MIA2: variants seen among roughly 807,000 people sequenced by gnomAD.
The protein encoded by MIA2 is MIA SH3 domain ER export factor 2, also known as melanoma inhibitory activity protein 2.
Under a neutral mutation model 167.8 loss-of-function variants are expected in MIA2, and 127 were observed. The observed-to-expected ratio is 0.76, with a 90% CI of 0.66 to 0.88. MIA2 has a LOEUF of 0.88. MIA2 is among the 40% of genes least tolerant of loss of function. The pLI is 0.00. For synonymous variants in MIA2, 552 were observed against 541.9 expected (o/e 1.02, Z -0.26); for missense variants, 1,690 against 1,624.7 (o/e 1.04, Z -0.69).
intron 16 of MIA2, among the ~76,000 whole-genome samples, 185 bp from the exon 17 acceptor site, chr14:39,304,106 C>T (rs989833087): frequency 4.6e-5 from 7 of 152,148 alleles, no homozygotes; most frequent in South Asian, 2.1e-4. Flanking sequence ...CAAGCATTGA[C>T]GACTTTGCTG....
At chr14:39,284,639 CA>C (rs1356745332) in intron 9 of MIA2, among the ~76,000 whole-genome samples, 2 of 152,060 alleles carry the variant, frequency 1.3e-5, no homozygotes, top group Non-Finnish European at 2.9e-5. Flanking sequence ...TTTCTTTCAT[CA>C]ATGTTTTATA....
chr14:39,288,642 T>C (rs2060290709), intron 9 of MIA2, among the ~76,000 whole-genome samples: 1 of 150,850 alleles, frequency 6.6e-6, no homozygotes, highest in Non-Finnish European at 1.5e-5. Context: ...TTTGTATTTT[T>C]AGTAGAGTCA....
At chr14:39,284,238 T>G (rs949704040) in intron 9 of MIA2, among the ~76,000 whole-genome samples, 6 of 152,228 alleles carry the variant, frequency 3.9e-5, no homozygotes, top group Non-Finnish European at 7.4e-5. Context: ...ATGTGTTGTA[T>G]AAAGTTAAGA....
chr14:39,339,251 C>G (rs542436146), intron 25 of MIA2, among the ~76,000 whole-genome samples: 1 of 152,084 alleles, frequency 6.6e-6, no homozygotes, highest in Non-Finnish European at 1.5e-5. Context: ...CCTAACAGCC[C>G]GCGGAAAGGT....
chr14:39,381,262 G>A (rs1258867827), intron 23 of MIA2, among the ~76,000 whole-genome samples: 3 of 152,148 alleles, frequency 2.0e-5, no homozygotes, highest in Non-Finnish European at 4.4e-5. Flanking sequence ...GGAGAAGACA[G>A]AATTCAGTCT....
At chr14:39,292,081 A>T (rs1018255870) in intron 10 of MIA2, among the ~76,000 whole-genome samples, 1 of 152,220 alleles carries the variant, frequency 6.6e-6, no homozygotes, top group Non-Finnish European at 1.5e-5. Context: ...ATTCCAAATA[A>T]GTTTCTTAAT....
chr14:39,341,829 TAAC>T (rs745977118), intron 25 of MIA2, among the ~76,000 whole-genome samples: 5 of 152,204 alleles, frequency 3.3e-5, no homozygotes, highest in Non-Finnish European at 5.9e-5. Context: ...TTTATAATCA[TAAC>T]AAGCTTAATT....
chr14:39,359,992 G>GTTTTTTTT (rs58076493), intron 23 of MIA2, among the ~76,000 whole-genome samples: 1 of 128,818 alleles, frequency 7.8e-6, no homozygotes, highest in Non-Finnish European at 1.7e-5. Flanking sequence ...TCTGCAGCAT[G>GTTTTTTTT]TTTTTTTTTT....
intron 2 of MIA2, among the ~76,000 whole-genome samples, chr14:39,238,972 T>G (rs921931482): frequency 1.3e-5 from 2 of 152,036 alleles, no homozygotes; most frequent in Non-Finnish European, 2.9e-5. Flanking sequence ...GATTGTATCA[T>G]TATGGTTTAT....
At chr14:39,263,923 C>T (rs1489521754) in intron 6 of MIA2, among the ~76,000 whole-genome samples, 1 of 152,112 alleles carries the variant, frequency 6.6e-6, no homozygotes, top group African/African-American at 2.4e-5. Context: ...TGTGAGCCAA[C>T]CACGCCCAGC....
At chr14:39,234,726 A>C (rs2053655341) in intron 1 of MIA2, among the ~76,000 whole-genome samples, 1 of 152,110 alleles carries the variant, frequency 6.6e-6, no homozygotes, top group African/African-American at 2.4e-5. Flanking sequence ...TATTCTTCTA[A>C]ACTTTACTAA....
chr14:39,268,428 C>G (rs901308323), intron 6 of MIA2, among the ~76,000 whole-genome samples: 1 of 150,586 alleles, frequency 6.6e-6, no homozygotes, highest in Non-Finnish European at 1.5e-5. Context: ...CCACTAGCAT[C>G]ATGTTGTCTG....
At chr14:39,277,744 GTGTGTATATA>G (rs1566685181) in intron 7 of MIA2, among the ~76,000 whole-genome samples, 24 of 2,206 alleles carry the variant, frequency 0.011, 6 homozygotes, top group African/African-American at 0.039. Context: ...ATATATATAT[GTGTGTATATA>G]TATATATATA....
downstream of MIA2, among the ~76,000 whole-genome samples, chr14:39,353,727 A>G (rs1041485403): frequency 1.3e-5 from 2 of 152,076 alleles, no homozygotes; most frequent in African/African-American, 2.4e-5. Flanking sequence ...CCCTGACCCT[A>G]TAACAGGCCC....
chr14:39,236,639 TAA>T (rs2053759177), intron 1 of MIA2, among the ~76,000 whole-genome samples: 1 of 152,180 alleles, frequency 6.6e-6, no homozygotes, highest in South Asian at 2.1e-4. Context: ...GGACAATGGA[TAA>T]ACAAACTTGA....
At chr14:39,379,175 T>G (rs940795221) in intron 23 of MIA2, among the ~76,000 whole-genome samples, 6 of 152,064 alleles carry the variant, frequency 3.9e-5, no homozygotes, top group African/African-American at 1.4e-4. Context: ...GGGTTAATGC[T>G]CCAAGAAAAC....
At chr14:39,249,283 A>T (rs1328975250) in intron 4 of MIA2, among the ~76,000 whole-genome samples, 3 of 152,076 alleles carry the variant, frequency 2.0e-5, no homozygotes, top group Non-Finnish European at 4.4e-5. Context: ...TGGGACTACA[A>T]GTCTGCACCA....
intron 10 of MIA2, 45 bp downstream of exon 10, chr14:39,291,141 A>G (rs1306667686): frequency 3.3e-6 from 5 of 1,519,532 alleles, no homozygotes; most frequent in African/African-American, 1.4e-5. Context: ...GGAAAAAAAT[A>G]CTAAGTAACA....
intron 23 of MIA2, among the ~76,000 whole-genome samples, chr14:39,367,827 GTT>G (rs72012688): frequency 6.6e-6 from 1 of 151,866 alleles, no homozygotes; most frequent in Non-Finnish European, 1.5e-5. Context: ...ATTGTCGTCG[GTT>G]TTTTTTTCCA....
Sources: allele counts gnomAD v4.1 joint callset (sites outside exome capture counted in the v4.1 genomes callset), GRCh38; gene constraint gnomAD v4.1.1; transcripts MANE v1.5; gene names NCBI Gene and HGNC (gene_info 2026-07-23, HGNC 2026-07-21).